Variants in CHL1 observed in about 807,000 individuals in gnomAD.
CHL1 encodes neural cell adhesion molecule L1-like protein.
A neutral mutation model predicts 141.9 loss-of-function variants in CHL1; 96 were observed. That is an observed-to-expected ratio of 0.68 (90% confidence interval 0.57 to 0.80). The LOEUF is 0.80. Ranked by LOEUF, CHL1 falls within the 30% of genes least tolerant of loss-of-function variation. The pLI is 0.00. For missense variants in CHL1, 1,820 were observed against 1,457.2 expected (o/e 1.25, Z -4.05); for synonymous variants, 613 against 502.2 (o/e 1.22, Z -2.95).
intron 20 of CHL1, 21 bp downstream of exon 20, chr3:389,495 T>C (rs990232307): frequency 6.4e-7 from 1 of 1,566,446 alleles, no homozygotes; most frequent in Non-Finnish European, 8.8e-7. Context: ...CACCTAAAAC[T>C]GCTAAGCACG....
intron 5 of CHL1, among the ~76,000 whole-genome samples, chr3:328,965 T>C (rs1291643885): frequency 6.6e-6 from 1 of 152,174 alleles, no homozygotes; most frequent in Non-Finnish European, 1.5e-5. Context: ...AATAGTATGA[T>C]GCTCATTAGG....
chr3:307,976 T>G (rs1699393848), intron 2 of CHL1, among the ~76,000 whole-genome samples: 1 of 152,332 alleles, frequency 6.6e-6, no homozygotes, highest in African/African-American at 2.4e-5. Flanking sequence ...AACCTATGAA[T>G]ATGGTTGGCC....
At chr3:234,712 G>A (rs1691775748) in intron 1 of CHL1, among the ~76,000 whole-genome samples, 1 of 152,098 alleles carries the variant, frequency 6.6e-6, no homozygotes, top group Non-Finnish European at 1.5e-5. Context: ...AGGAAACAGA[G>A]TAATATCCTG....
rs1027434581 is a variant in CHL1, at chr3:408,505, G to C, written c.*2794G>C. On this transcript the variant is annotated 3_prime_UTR_variant, in exon 28 of 28. Transcript: ENST00000256509. ...TCTCAGTTACCTTATCTTTGTCACA[G>C]GGTGTTCTTTTTTATGAAGAAAAAT... is the stretch of plus-strand genomic sequence containing the variant. 6.6e-6 allele frequency: 1 copy of C among 152,094 alleles called. No homozygotes were observed. Among genetic ancestry groups the C allele is most frequent in the Non-Finnish European group, 1.5e-5 (1 of 68,006 alleles). The allele number at this position is 152,094 out of a possible 1,614,324, so 9.4% of individuals were successfully genotyped here.
chr3:382,889 TG>T (rs1213258300), intron 18 of CHL1, among the ~76,000 whole-genome samples: 10 of 151,878 alleles, frequency 6.6e-5, no homozygotes, highest in African/African-American at 2.4e-4. Context: ...GAGTGACATA[TG>T]AAAAAAAAAC....
At chr3:397,433 T>C (rs1029994721) in intron 24 of CHL1, among the ~76,000 whole-genome samples, 2 of 152,122 alleles carry the variant, frequency 1.3e-5, no homozygotes, top group Non-Finnish European at 2.9e-5. Flanking sequence ...CCCCTTGTAG[T>C]CTCAGTAAGA....
intron 2 of CHL1, among the ~76,000 whole-genome samples, chr3:314,564 G>A (rs970254286): frequency 6.6e-6 from 1 of 151,662 alleles, no homozygotes; most frequent in East Asian, 1.9e-4. Context: ...TGACCAGCTG[G>A]TTCTAGCATC....
chr3:354,841 G>C (rs1185307564), intron 11 of CHL1, 70 bp downstream of exon 11: 2 of 1,567,092 alleles, frequency 1.3e-6, no homozygotes, highest in East Asian at 2.3e-5. Context: ...ATGGTCAGAC[G>C]TGTGTAAAAT....
At chr3:251,569 TG>T (rs1227047597) in intron 2 of CHL1, among the ~76,000 whole-genome samples, 1 of 152,114 alleles carries the variant, frequency 6.6e-6, no homozygotes, top group Non-Finnish European at 1.5e-5. Context: ...TTCTTTAAAA[TG>T]GGGGATGTTG....
intron 5 of CHL1, among the ~76,000 whole-genome samples, chr3:340,417 C>T (rs561677140): frequency 1.6e-4 from 24 of 152,242 alleles, no homozygotes; most frequent in African/African-American, 5.8e-4. Flanking sequence ...GAATATGCAA[C>T]CGCCCAAAGT....
intron 2 of CHL1, among the ~76,000 whole-genome samples, chr3:316,702 T>G (rs1041643812): frequency 6.6e-6 from 1 of 151,920 alleles, no homozygotes; most frequent in African/African-American, 2.4e-5. Context: ...ATACCCCAAT[T>G]ACCCTGATGT....
In CHL1 at chr3:339,554, G is replaced by A. The variant is rs1056481641; in HGVS notation, c.386-1240G>A. Among the ~76,000 whole-genome samples the A allele has an allele frequency of 2.6e-5, 4 of 152,172 alleles. No homozygotes were observed. In the East Asian group the frequency reaches 5.8e-4, roughly 22 times the overall value. The stretch of plus-strand genomic sequence containing the variant: ...GGCTGAATGTATAAAGAGAACCAAA[G>A]TCTGCCTTCCGAAATTGCAAAGGCA... On this transcript the variant is annotated intron_variant, in intron 5 of 27. Transcript: ENST00000256509.
chr3:375,152 C>A (rs999964810), intron 15 of CHL1, among the ~76,000 whole-genome samples: 1 of 152,138 alleles, frequency 6.6e-6, no homozygotes, highest in African/African-American at 2.4e-5. Context: ...TTCCTACCTG[C>A]AGGTGGCCAT....
intron 9 of CHL1, 21 bp downstream of exon 9, chr3:344,730 T>C: frequency 3.7e-6 from 6 of 1,611,870 alleles, no homozygotes; most frequent in Non-Finnish European, 5.1e-6. Flanking sequence ...TGACTCTCAC[T>C]CATGACTTTG....
At chr3:343,966 T>C (rs895618177) in intron 8 of CHL1, among the ~76,000 whole-genome samples, 2 of 152,192 alleles carry the variant, frequency 1.3e-5, no homozygotes, top group Admixed American at 6.5e-5. Context: ...TAATTTGCCA[T>C]TGTATTTGAA....
intron 5 of CHL1, among the ~76,000 whole-genome samples, chr3:331,025 A>G (rs1307557491): frequency 6.6e-6 from 1 of 152,216 alleles, no homozygotes; most frequent in Non-Finnish European, 1.5e-5. Context: ...TAATTCACAC[A>G]GAGAAACATT....
intron 2 of CHL1, among the ~76,000 whole-genome samples, chr3:314,460 A>T (rs1700016211): frequency 6.6e-6 from 1 of 150,504 alleles, no homozygotes; most frequent in Non-Finnish European, 1.5e-5. Context: ...ACCATCCCAA[A>T]ACACTGATTC....
chr3:366,776 A>G (rs1473379763), intron 15 of CHL1, among the ~76,000 whole-genome samples: 2 of 151,770 alleles, frequency 1.3e-5, no homozygotes, highest in African/African-American at 4.8e-5. Flanking sequence ...TGCAGCTGCA[A>G]TCCAGGTGTC....
At chr3:256,455 C>G (rs1038101687) in intron 2 of CHL1, among the ~76,000 whole-genome samples, 6 of 152,198 alleles carry the variant, frequency 3.9e-5, no homozygotes, top group Admixed American at 3.9e-4. Context: ...AGAAAAAGGC[C>G]TTAGAGTAGT....
Sources: gnomAD v4.1 joint callset for allele counts (sites outside exome capture counted in the v4.1 genomes callset) on GRCh38, gnomAD v4.1.1 for gene constraint, MANE v1.5 for transcripts, NCBI Gene and HGNC (gene_info 2026-07-23, HGNC 2026-07-21) for gene names.